CHD1L: variants seen among roughly 807,000 people sequenced by gnomAD.
CHD1L encodes chromodomain helicase DNA binding protein 1 like.
A neutral mutation model predicts 115.9 loss-of-function variants in CHD1L; 118 were observed. That is an observed-to-expected ratio of 1.02 (90% CI 0.88 to 1.19). The LOEUF (loss-of-function observed/expected upper bound fraction) is 1.19. Among genes scored for constraint, CHD1L ranks in the 50% most tolerant of loss-of-function variants. The probability of loss-of-function intolerance (pLI) is 0.00; values close to 1 mark genes in which losing one functional copy is unlikely to be tolerated. For synonymous variants in CHD1L, 411 were observed against 387.1 expected (o/e 1.06, Z -0.72); for missense variants, 1,179 against 1,065.3 (o/e 1.11, Z -1.49).
At chr1:147,201,483 G>A in the CHD1L span, 2 of 1,613,730 alleles carry the variant, frequency 1.2e-6, no homozygotes, top group East Asian at 4.5e-5. Flanking sequence ...CATCATTTAA[G>A]GTTGGATGCT....
At chr1:147,187,206 G>A in the CHD1L span, 1 of 1,613,852 alleles carries the variant, frequency 6.2e-7, no homozygotes, top group Non-Finnish European at 8.5e-7. Flanking sequence ...TGGTATCTAT[G>A]TAGTCTCCCT....
the CHD1L span, among the ~76,000 whole-genome samples, chr1:147,191,485 T>C: frequency 5.8e-3 from 878 of 152,256 alleles, 10 homozygotes; most frequent in African/African-American, 0.019. Flanking sequence ...ATGTCTTCTT[T>C]TGAGAAGTGT....
chr1:147,284,627 A>T (rs1682333696), intron 16 of CHD1L, 128 bp downstream of exon 16: 1 of 833,494 alleles, frequency 1.2e-6, no homozygotes, highest in Non-Finnish European at 1.8e-6. Flanking sequence ...GTGTTTGCTG[A>T]AATGTTATTA....
At chr1:147,258,268 C>T (rs1670751306) in intron 5 of CHD1L, among the ~76,000 whole-genome samples, 1 of 152,192 alleles carries the variant, frequency 6.6e-6, no homozygotes, top group Non-Finnish European at 1.5e-5. Context: ...ATCTTTTCCT[C>T]TTCAGGGGAC....
chr1:147,291,675 AAGACAC>A lies in CHD1L; in HGVS notation c.2391+128_2391+133del, dbSNP rs587658089. On this transcript the variant is annotated intron_variant, in intron 20 of 22. Coordinates refer to ENST00000369258, the MANE Select transcript of CHD1L (RefSeq NM_004284.6). ...AGTTTGTTAGGGCTGCCATAACAAA[AAGACAC>A]AGACTAGGTAGCTTAAACAACAGAA... 2.3e-4 allele frequency: 173 copies of A among 738,854 alleles called. No homozygotes were observed. In the African/African-American group the frequency reaches 2.9e-3, roughly 13 times the overall value. 45.8% of individuals were successfully genotyped at this position (738,854 alleles called of 1,614,324 possible). A position where few individuals can be genotyped will look rare whatever the true frequency, so the allele number is the denominator to read the frequency against.
the CHD1L span, among the ~76,000 whole-genome samples, chr1:147,173,724 A>C: frequency 0.037 from 5,621 of 152,298 alleles, 149 homozygotes; most frequent in South Asian, 0.095. Flanking sequence ...GTTGGCGTCA[A>C]CTGGGAGCCT....
chr1:147,204,916 G>T, the CHD1L span: 1 of 1,571,930 alleles, frequency 6.4e-7, no homozygotes, highest in Non-Finnish European at 8.8e-7. Flanking sequence ...CGGAGCCTTG[G>T]GAACTTGAAG....
chr1:147,257,767 C>G (rs782532711), intron 5 of CHD1L, among the ~76,000 whole-genome samples: 1 of 152,100 alleles, frequency 6.6e-6, no homozygotes, highest in African/African-American at 2.4e-5. Flanking sequence ...GTAACCCATC[C>G]AAGGTTACAT....
rs1553119575 is a variant in CHD1L, at chr1:147,261,412, T to TATA, written c.576+1494_576+1495insATA. On this transcript the variant is annotated intron_variant, in intron 6 of 22. Transcript: ENST00000369258. Reference sequence around the variant, plus strand: ...AATGCTGCATGACACTTTTTTTTTTTTATATATAAAGGCCTTAATCTTATT... The same window carrying TATA: ...AATGCTGCATGACACTTTTTTTTTTTATATATATATAAAGGCCTTAATCTTATT... 1.5e-3 allele frequency among the ~76,000 whole-genome samples: 220 copies of TATA among 147,460 alleles called. 2 individuals carry two copies. Among genetic ancestry groups the TATA allele is most frequent in the Non-Finnish European group, 1.6e-3 (105 of 67,634 alleles).
At chr1:147,213,027 C>A in the CHD1L span, among the ~76,000 whole-genome samples, 1 of 151,996 alleles carries the variant, frequency 6.6e-6, no homozygotes, top group Non-Finnish European at 1.5e-5. Flanking sequence ...ACCTAATGCT[C>A]CTCAAGAACT....
chr1:147,219,109 G>A, the CHD1L span, among the ~76,000 whole-genome samples: 1 of 152,106 alleles, frequency 6.6e-6, no homozygotes, highest in African/African-American at 2.4e-5. Context: ...AATGAATTAT[G>A]GAAATTGAAT....
intron 12 of CHD1L, among the ~76,000 whole-genome samples, chr1:147,274,982 C>G (rs1403439766): frequency 2.6e-5 from 4 of 152,190 alleles, no homozygotes; most frequent in Non-Finnish European, 4.4e-5. Flanking sequence ...ATATTTAGAT[C>G]TGTTTTCTGA....
intron 22 of CHD1L, among the ~76,000 whole-genome samples, chr1:147,294,905 A>G (rs1343227284): frequency 6.8e-6 from 1 of 147,766 alleles, no homozygotes; most frequent in Non-Finnish European, 1.5e-5. Context: ...AAGCAAACAA[A>G]TAAGTGAACT....
the CHD1L span, among the ~76,000 whole-genome samples, chr1:147,221,084 A>T: frequency 4.6e-5 from 7 of 152,028 alleles, no homozygotes; most frequent in Non-Finnish European, 5.9e-5. Context: ...ATAAATCCCA[A>T]CTGAGGGATA....
rs782007432 is a variant in CHD1L at position 147,294,471 on chromosome 1, C to A, written c.2569C>A (p.Arg857=). Residue 857 remains arginine, a synonymous_variant, in exon 22 of 23, where the codon CGA becomes AGA. Coordinates refer to ENST00000369258, the MANE Select transcript of CHD1L (RefSeq NM_004284.6). ...AGGTTTTAACTGGTATGGTACTGAGCGACTTATTCGGAAACATCTGGCTGC... is the reference window on the plus strand; with the variant it reads ...AGGTTTTAACTGGTATGGTACTGAGAGACTTATTCGGAAACATCTGGCTGC... The part of the protein sequence containing the change: ...TKGFNWYGTE[R]LIRKHLAARG... 17 of 1,612,896 alleles carry A rather than the reference C, an allele frequency of 1.1e-5. No individual in the cohort carries two copies. The highest frequency in any genetic ancestry group is 1.4e-5 in the Non-Finnish European group (17 of 1,179,510).
At chr1:147,202,648 A>T in the CHD1L span, among the ~76,000 whole-genome samples, 1 of 152,224 alleles carries the variant, frequency 6.6e-6, no homozygotes, top group South Asian at 2.1e-4. Context: ...TGAATACTAT[A>T]TTAACTCATC....
At position 147,276,229 on chromosome 1, in the gene CHD1L, A is replaced by G. The variant is rs782743019; in HGVS notation, c.1511A>G (p.Gln504Arg). The change falls in exon 14 of 23, where the codon CAG becomes CGG. Residue 504 changes from glutamine to arginine, a missense_variant. Transcript: ENST00000369258. ...IEGGHFTLGA[Q>R]KPAADADLQL... ...GGAGGCCATTTTACTCTGGGAGCCC[A>G]GAAACCCGCTGCCGATGCTGACCTC... 31 of 1,614,094 alleles carry G rather than the reference A, an allele frequency of 1.9e-5. No homozygotes were observed. The highest frequency in any genetic ancestry group is 2.6e-5 in the Non-Finnish European group (31 of 1,180,024).
the CHD1L span, among the ~76,000 whole-genome samples, chr1:147,230,957 G>A: frequency 1.2e-3 from 181 of 151,684 alleles, 1 homozygote; most frequent in Admixed American, 3.2e-3. Context: ...CAAAAAAAAA[G>A]CTCCTGGATT....
rs1462528862 is a variant in CHD1L at position 147,286,512 on chromosome 1, G to A, written c.2221+12G>A. On this transcript the variant is annotated intron_variant, in intron 18 of 22. Coordinates refer to ENST00000369258, the MANE Select transcript of CHD1L (RefSeq NM_004284.6). ...TGTGCACTGCGTAGGTACGAGAAGT[G>A]GTATGGGCTGGGGATGGGGGCCTCA... 5 of 1,612,126 alleles carry A rather than the reference G, an allele frequency of 3.1e-6. No homozygotes were observed. Among genetic ancestry groups the A allele is most frequent in the Non-Finnish European group, 4.2e-6 (5 of 1,179,598 alleles).
Sources: allele counts gnomAD v4.1 joint callset (sites outside exome capture counted in the v4.1 genomes callset), GRCh38; gene constraint gnomAD v4.1.1; transcripts MANE v1.5; gene names NCBI Gene and HGNC (gene_info 2026-07-23, HGNC 2026-07-21).